Variants in MYO9A observed in about 807,000 individuals in gnomAD.
The protein encoded by MYO9A is unconventional myosin-IXa.
MYO9A carries 103 observed loss-of-function variants against 293.3 expected under a neutral mutation model. That is an observed-to-expected ratio of 0.35 (90% confidence interval 0.30 to 0.41). MYO9A has a LOEUF of 0.41. Among genes scored for constraint, MYO9A ranks in the 10% least tolerant of loss-of-function variants. The probability of loss-of-function intolerance (pLI) is 1.00; values close to 1 mark genes in which losing one functional copy is unlikely to be tolerated. For synonymous variants in MYO9A, 1,001 were observed against 1,035.7 expected (o/e 0.97, Z 0.64); for missense variants, 2,685 against 3,033.0 (o/e 0.89, Z 2.69).
Position 72,035,314 on chromosome 15 carries a change from C to T in MYO9A, c.841-2726G>A, listed in dbSNP as rs188069332. The stretch of plus-strand genomic sequence containing the variant: ...AAATACAAATTTATATATACATACA[C>T]ATCAAGGCACAAACATTATCATCAG... On this transcript the variant is annotated intron_variant, in intron 2 of 41. Transcript: ENST00000356056. 1.0e-3 allele frequency among the ~76,000 whole-genome samples: 158 copies of T among 152,316 alleles called. 2 individuals carry two copies. The highest frequency in any genetic ancestry group is 9.7e-3 in the Admixed American group (149 of 15,300).
Position 71,862,518 on chromosome 15 carries a change from G to A in MYO9A, c.6073C>T (p.Arg2025Ter). The change falls in exon 33 of 42, where the codon CGA (arginine) becomes TGA (stop). Residue 2025 changes from arginine to a stop codon, truncating the protein, a stop_gained. Coordinates refer to ENST00000356056, the MANE Select transcript of MYO9A (RefSeq NM_006901.4). LOFTEE classifies it high-confidence loss of function. Reference sequence around the variant, plus strand: ...TACTTACATTTGCAAACAGAGGCTCGGTCCATTATCCATATCAAAGAAGAA... The same window carrying A: ...TACTTACATTTGCAAACAGAGGCTCAGTCCATTATCCATATCAAAGAAGAA... ...YCSSLIWIMD[R>*]ASVCKLCKYA... 2.5e-6 allele frequency: 4 copies of A among 1,607,594 alleles called. No homozygotes were observed. Among genetic ancestry groups the A allele is most frequent in the South Asian group, 2.2e-5 (2 of 90,770 alleles).
chr15:71,976,975 A>G (rs1474626129), intron 12 of MYO9A, among the ~76,000 whole-genome samples: 1 of 152,220 alleles, frequency 6.6e-6, no homozygotes, highest in Non-Finnish European at 1.5e-5. Context: ...TTTTTACTAA[A>G]CAGTCATAAA....
At chr15:71,834,683 G>A (rs866106930) in intron 39 of MYO9A, among the ~76,000 whole-genome samples, 5 of 151,908 alleles carry the variant, frequency 3.3e-5, no homozygotes, top group East Asian at 1.9e-4. Context: ...GCACTGAGGC[G>A]GGAGCCCAGG....
intron 2 of MYO9A, among the ~76,000 whole-genome samples, chr15:72,043,347 G>C (rs2078283381): frequency 6.6e-6 from 1 of 152,054 alleles, no homozygotes; most frequent in Non-Finnish European, 1.5e-5. Context: ...ATCTGATCTA[G>C]TCATTACATT....
intron 1 of MYO9A, among the ~76,000 whole-genome samples, chr15:72,101,200 G>A (rs1010903061): frequency 7.3e-6 from 1 of 137,124 alleles, no homozygotes; most frequent in Non-Finnish European, 1.6e-5. Context: ...TGGGAAGTGA[G>A]GAGCCCCTCT....
intron 9 of MYO9A, among the ~76,000 whole-genome samples, chr15:71,995,531 G>C (rs918619947): frequency 7.1e-6 from 1 of 141,696 alleles, no homozygotes; most frequent in Non-Finnish European, 1.5e-5. Flanking sequence ...AAAAAACAAA[G>C]AATTTCACCA....
At chr15:71,920,548 T>C (rs1480257166) in intron 18 of MYO9A, among the ~76,000 whole-genome samples, 1 of 152,220 alleles carries the variant, frequency 6.6e-6, no homozygotes, top group Non-Finnish European at 1.5e-5. Flanking sequence ...CACTGTAATA[T>C]ATTTCTTTTG....
rs780727961 is a variant in MYO9A at position 71,850,765 on chromosome 15, C to CAAAAAAAAAAAAAAAAAA, written c.6581+470_6581+487dup. 1.8e-4 allele frequency among the ~76,000 whole-genome samples: 8 copies of CAAAAAAAAAAAAAAAAAA among 44,124 alleles called. 2 individuals are homozygous for CAAAAAAAAAAAAAAAAAA. The highest frequency in any genetic ancestry group is 3.0e-4 in the African/African-American group (3 of 10,004). 28.9% of individuals were successfully genotyped at this position (44,124 alleles called of 152,430 possible). A position where few individuals can be genotyped will look rare whatever the true frequency, so the allele number is the denominator to read the frequency against. On this transcript the variant is annotated intron_variant, in intron 37 of 41. Transcript: ENST00000356056. ...TGGGTGACAGACTGAAACTGTGTCT[C>CAAAAAAAAAAAAAAAAAA]AAAAAAAAAAAAAAAAAAAAAAAAA...
At chr15:71,997,791 A>G (rs1280256271) in intron 9 of MYO9A, among the ~76,000 whole-genome samples, 2 of 152,144 alleles carry the variant, frequency 1.3e-5, no homozygotes, top group Non-Finnish European at 2.9e-5. Context: ...CGTGAGTCAC[A>G]ATGGCTATTG....
intron 8 of MYO9A, among the ~76,000 whole-genome samples, chr15:72,006,647 A>G (rs1314307878): frequency 6.6e-6 from 1 of 152,210 alleles, no homozygotes; most frequent in African/African-American, 2.4e-5. Context: ...AAAACCAAAT[A>G]GCATGAAGAG....
chr15:72,008,116 A>G (rs2077065870), intron 7 of MYO9A, among the ~76,000 whole-genome samples, 164 bp from the exon 8 acceptor site: 1 of 152,176 alleles, frequency 6.6e-6, no homozygotes, highest in East Asian at 1.9e-4. Flanking sequence ...GGGTTTACTT[A>G]TATGTCAGGT....
intron 1 of MYO9A, among the ~76,000 whole-genome samples, chr15:72,065,384 G>A (rs1473927769): frequency 6.6e-5 from 10 of 151,590 alleles, no homozygotes; most frequent in East Asian, 3.9e-4. Context: ...GAGTGGTGGC[G>A]CATACCTGTA....
intron 1 of MYO9A, among the ~76,000 whole-genome samples, chr15:72,075,346 A>T (rs1251361699): frequency 1.3e-5 from 2 of 152,184 alleles, no homozygotes; most frequent in Non-Finnish European, 2.9e-5. Context: ...ACTTATAGGC[A>T]AGAGAAAAAA....
intron 6 of MYO9A, among the ~76,000 whole-genome samples, chr15:72,017,446 A>G (rs977078063): frequency 1.3e-5 from 2 of 152,180 alleles, no homozygotes; most frequent in Admixed American, 1.3e-4. Flanking sequence ...CTGCTTTCCA[A>G]GGAGGCATGG....
chr15:71,926,710 G>A (rs900677873), intron 18 of MYO9A, among the ~76,000 whole-genome samples: 2 of 152,146 alleles, frequency 1.3e-5, no homozygotes. Flanking sequence ...GGGGAAAGCC[G>A]CCACACAAGC....
intron 2 of MYO9A, among the ~76,000 whole-genome samples, chr15:72,034,281 T>C (rs2077972048): frequency 6.6e-6 from 1 of 152,240 alleles, no homozygotes; most frequent in Non-Finnish European, 1.5e-5. Flanking sequence ...TCTGTGCTTA[T>C]AAAACCCCCT....
chr15:71,956,560 C>T (rs1167348309), intron 14 of MYO9A, among the ~76,000 whole-genome samples: 4 of 149,790 alleles, frequency 2.7e-5, no homozygotes, highest in Non-Finnish European at 4.4e-5. Flanking sequence ...GCAAGAGAAT[C>T]GCTTGAACCT....
chr15:72,051,313 C>A (rs2078555846), intron 1 of MYO9A, among the ~76,000 whole-genome samples: 1 of 152,182 alleles, frequency 6.6e-6, no homozygotes, highest in Non-Finnish European at 1.5e-5. Context: ...ATGGAGGCAG[C>A]AGAAGCCAGG....
At chr15:72,076,766 A>G (rs1360858883) in intron 1 of MYO9A, among the ~76,000 whole-genome samples, 1 of 152,210 alleles carries the variant, frequency 6.6e-6, no homozygotes, top group African/African-American at 2.4e-5. Flanking sequence ...TGGAAAAGTA[A>G]AAGACCAAGA....
Sources: allele counts gnomAD v4.1 joint callset (sites outside exome capture counted in the v4.1 genomes callset), GRCh38; gene constraint gnomAD v4.1.1; transcripts MANE v1.5; gene names NCBI Gene and HGNC (gene_info 2026-07-23, HGNC 2026-07-21).